CTU2: variants seen among roughly 807,000 people sequenced by gnomAD.
CTU2 encodes the protein cytosolic thiouridylase subunit 2.
Under a neutral mutation model 64.1 loss-of-function variants are expected in CTU2, and 80 were observed. That is an observed-to-expected ratio of 1.25 (90% CI 1.04 to 1.50). The LOEUF is 1.50. Ranked by LOEUF, CTU2 falls within the 40% of genes most tolerant of loss-of-function variation. The pLI, the probability that CTU2 is intolerant of heterozygous loss-of-function variation, is 0.00. For synonymous variants in CTU2, 482 were observed against 285.3 expected (o/e 1.69, Z -6.95); for missense variants, 1,110 against 690.2 (o/e 1.61, Z -6.81).
At chr16:88,711,487 GA>G in intron 4 of CTU2, 147 bp from the exon 5 acceptor site, 1 of 770,096 alleles carries the variant, frequency 1.3e-6, no homozygotes, top group Non-Finnish European at 2.0e-6. Context: ...ACCTGAGTCT[GA>G]ATGGCTTTGT....
chr16:88,711,271 C>T (rs1221421175), intron 4 of CTU2, among the ~76,000 whole-genome samples: 2 of 152,138 alleles, frequency 1.3e-5, no homozygotes, highest in African/African-American at 4.8e-5. Flanking sequence ...TTGGTTTCTG[C>T]TTGTGAGAGC....
chr16:88,714,568 A>G lies in CTU2; in HGVS notation c.1202-19A>G. 1 of 1,612,292 alleles carries G rather than the reference A, an allele frequency of 6.2e-7. No homozygotes were observed. Among genetic ancestry groups the G allele is most frequent in the Non-Finnish European group, 8.5e-7 (1 of 1,179,808 alleles). On this transcript the variant is annotated intron_variant, in intron 11 of 14. Transcript: ENST00000453996. ...GGGCTCAGCAGCCCCAGGCTCCGTCACCCCCTCTCTGCTTGCAGACAGTGC... is the reference window on the plus strand; with the variant it reads ...GGGCTCAGCAGCCCCAGGCTCCGTCGCCCCCTCTCTGCTTGCAGACAGTGC...
At chr16:88,714,027 C>G in intron 9 of CTU2, 109 bp from the exon 10 acceptor site, 4 of 1,172,506 alleles carry the variant, frequency 3.4e-6, no homozygotes, top group South Asian at 2.6e-5. Context: ...CAAAGCCAGA[C>G]CCATGTGGGC....
At chr16:88,709,631 G>C (rs945027494) in intron 2 of CTU2, 22 of 408,182 alleles carry the variant, frequency 5.4e-5, no homozygotes, top group African/African-American at 4.3e-4. Flanking sequence ...CACCAGCTGG[G>C]CCCTTCTGAG....
rs1016957834 is a variant in CTU2, at chr16:88,715,116, C to T, written c.1478+10C>T. The T allele has an allele frequency of 3.1e-6, 5 of 1,594,882 alleles. No homozygotes were observed. Among genetic ancestry groups the T allele is most frequent in the Admixed American group, 1.7e-5 (1 of 58,454 alleles). Reference sequence around the variant, plus strand: ...AGCTCCGCACACAGAGGTACTGGGGCCCACACTGCCGTGGCGCGTGGGTAA... The same window carrying T: ...AGCTCCGCACACAGAGGTACTGGGGTCCACACTGCCGTGGCGCGTGGGTAA... On this transcript the variant is annotated intron_variant, in intron 14 of 14. Coordinates refer to ENST00000453996, the MANE Select transcript of CTU2 (RefSeq NM_001012759.3).
At chr16:88,708,504 C>T (rs150076191) in intron 2 of CTU2, among the ~76,000 whole-genome samples, 4 of 152,234 alleles carry the variant, frequency 2.6e-5, no homozygotes, top group African/African-American at 9.6e-5. Flanking sequence ...AAGCCCAGCA[C>T]CTGTGTCTCC....
chr16:88,713,671 G>A lies in CTU2; in HGVS notation c.898G>A (p.Asp300Asn), dbSNP rs754674071. The part of the protein sequence containing the change: ...DTGFSDERHG[D>N]VVVVRPMRDH... ...GGGCTTCTCGGATGAGCGGCACGGG[G>A]ACGTGGTGGTGGTGCGGCCCATGCG... Residue 300 changes from aspartate to asparagine, a missense_variant, in exon 9 of 15, where the codon GAC becomes AAC. Physicochemically the swap from Asp to Asn is conservative, Grantham distance 23. Coordinates refer to ENST00000453996, the MANE Select transcript of CTU2 (RefSeq NM_001012759.3). The A allele has an allele frequency of 6.2e-7, 1 of 1,612,592 alleles. No individual in the cohort carries two copies. The highest frequency in any genetic ancestry group is 8.5e-7 in the Non-Finnish European group (1 of 1,179,844).
intron 6 of CTU2, 58 bp downstream of exon 6, chr16:88,712,441 C>T (rs902084941): frequency 2.2e-5 from 32 of 1,473,970 alleles, no homozygotes; most frequent in South Asian, 2.6e-5. Flanking sequence ...GGCACCTGCC[C>T]GTGTCCCAGC....
chr16:88,707,037 A>G (rs1910913269), intron 1 of CTU2, 99 bp from the exon 2 acceptor site: 2 of 1,234,926 alleles, frequency 1.6e-6, no homozygotes, highest in Non-Finnish European at 2.4e-6. Flanking sequence ...TCTCTGACCC[A>G]ACTCAGGGTG....
At chr16:88,706,943 G>A (rs1910900844) in intron 1 of CTU2, 193 bp from the exon 2 acceptor site, 3 of 603,220 alleles carry the variant, frequency 5.0e-6, no homozygotes, top group Admixed American at 5.9e-5. Flanking sequence ...GCTTTTCTAG[G>A]CTAAACATCC....
At chr16:88,711,593 G>A (rs999250505) in intron 4 of CTU2, 42 bp from the exon 5 acceptor site, 15 of 1,553,542 alleles carry the variant, frequency 9.7e-6, no homozygotes, top group African/African-American at 2.7e-5. Context: ...GTGTCCTGTG[G>A]CTTATGGCTG....
intron 6 of CTU2, 76 bp downstream of exon 6, chr16:88,712,459 G>T: frequency 2.1e-6 from 3 of 1,456,690 alleles, no homozygotes; most frequent in Non-Finnish European, 1.9e-6. Context: ...AGCCTCACTG[G>T]CCTCTCCCTC....
rs1174399609 is a variant in CTU2, at chr16:88,706,561, C to T, written c.31C>T (p.Pro11Ser). 6.9e-7 allele frequency: 1 copy of T among 1,458,122 alleles called. No homozygotes were observed. The highest frequency in any genetic ancestry group is 9.0e-7 in the Non-Finnish European group (1 of 1,111,996). The allele number at this position is 1,458,122 out of a possible 1,614,324, so 90.3% of individuals were successfully genotyped here. A position where few individuals can be genotyped will look rare whatever the true frequency, so the allele number is the denominator to read the frequency against. The part of the protein sequence containing the change: MCQVGEDYGE[P>S]APEEPPPAPR... The stretch of plus-strand genomic sequence containing the variant: ...TCAGGTGGGCGAGGACTACGGGGAG[C>T]CGGCGCCTGAGGAGCCGCCCCCGGC... Residue 11 changes from proline to serine, a missense_variant, in exon 1 of 15, where the codon CCG becomes TCG. Coordinates refer to ENST00000453996, the MANE Select transcript of CTU2 (RefSeq NM_001012759.3).
In CTU2 at chr16:88,712,788, C is replaced by A; in HGVS notation, c.620C>A (p.Pro207Gln). The stretch of plus-strand genomic sequence containing the variant: ...GGGGAGGAACAGCCACCCCAGCCCC[C>A]GCTGGACCCCCAGAACCTGGCAAGA... ...TQGEEQPPQPPLDPQNLARPP... is the reference protein window; with the variant it reads ...TQGEEQPPQPQLDPQNLARPP... The change falls in exon 7 of 15, where the codon CCG becomes CAG. Residue 207 changes from proline (P) to glutamine (Q), a missense_variant. Physicochemically the swap from Pro to Gln is moderately conservative, Grantham distance 76. Coordinates refer to ENST00000453996, the MANE Select transcript of CTU2 (RefSeq NM_001012759.3). The A allele has an allele frequency of 1.2e-6, 2 of 1,607,942 alleles. No homozygotes were observed. Among genetic ancestry groups the A allele is most frequent in the South Asian group, 1.1e-5 (1 of 90,652 alleles).
chr16:88,713,801 CCT>C (rs773219821), intron 9 of CTU2, 23 bp downstream of exon 9: 7 of 1,610,866 alleles, frequency 4.3e-6, no homozygotes, highest in African/African-American at 4.0e-5. Flanking sequence ...GGCTGGGCAA[CCT>C]CTCTCACCAT....
In CTU2 at chr16:88,714,116, T is replaced by G. The variant is rs1261482838; in HGVS notation, c.1006-20T>G. On this transcript the variant is annotated intron_variant, in intron 9 of 14. Transcript: ENST00000453996. ...CTGGCCTCTGGGCTTTCCCATAGCC[T>G]CCAATCTGATTGTCCCTAGGCCCCT... 1 of 1,610,694 alleles carries G rather than the reference T, an allele frequency of 6.2e-7. No individual in the cohort carries two copies. The highest frequency in any genetic ancestry group is 8.5e-7 in the Non-Finnish European group (1 of 1,178,274).
chr16:88,714,654 G>A lies in CTU2; in HGVS notation c.1269G>A (p.Leu423=), dbSNP rs28672793. ...RLSQMQSPIP[L]TETRTPPGPC... is the part of the protein sequence containing the mutation. ...CCCAGATGCAGTCACCCATCCCCCT[G>A]ACTGAGACCCGGACACCCCCGGGGC... The change falls in exon 12 of 15, where the codon CTG becomes CTA. Residue 423 remains leucine, a synonymous_variant. Transcript: ENST00000453996. 2,305 of 1,612,536 alleles carry A rather than the reference G, an allele frequency of 1.4e-3. 22 individuals carry two copies. In the African/African-American group the frequency reaches 0.015, roughly 10 times the overall value.
chr16:88,707,044 G>A (rs1340058414), intron 1 of CTU2, 92 bp from the exon 2 acceptor site: 6 of 1,304,182 alleles, frequency 4.6e-6, no homozygotes, highest in African/African-American at 4.4e-5. Flanking sequence ...CCCAACTCAG[G>A]GTGAGAAACA....
chr16:88,709,566 T>C (rs1162643025), intron 2 of CTU2: 5 of 200,960 alleles, frequency 2.5e-5, no homozygotes, highest in Non-Finnish European at 5.1e-5. Flanking sequence ...TGGTGGGTCT[T>C]TTTTTATGGG....
Sources: allele counts gnomAD v4.1 joint callset (sites outside exome capture counted in the v4.1 genomes callset), GRCh38; gene constraint gnomAD v4.1.1; transcripts MANE v1.5; gene names NCBI Gene and HGNC (gene_info 2026-07-23, HGNC 2026-07-21).